Variants in H6PD observed in about 807,000 individuals in gnomAD.
H6PD encodes GDH/6PGL endoplasmic bifunctional protein.
A neutral mutation model predicts 61.2 loss-of-function variants in H6PD; 48 were observed. The observed-to-expected ratio is 0.78, with a 90% confidence interval of 0.62 to 1.00. H6PD has a LOEUF of 1.00. Ranked by LOEUF, H6PD falls within the 50% of genes least tolerant of loss-of-function variation. H6PD has a pLI of 0.00. For missense variants in H6PD, 1,093 were observed against 1,065.0 expected (o/e 1.03, Z -0.37); for synonymous variants, 480 against 457.9 (o/e 1.05, Z -0.62).
intron 3 of H6PD, among the ~76,000 whole-genome samples, chr1:9,261,744 G>A (rs1638305715): frequency 2.6e-5 from 4 of 152,242 alleles, no homozygotes; most frequent in African/African-American, 7.2e-5. Context: ...GCGGGGCGAG[G>A]GGCTGGCCAG....
Position 9,267,000 on chromosome 1 carries a change from A to G in H6PD, c.*2131A>G, listed in dbSNP as rs1455566253. On this transcript the variant is annotated 3_prime_UTR_variant, in exon 5 of 5. Coordinates refer to ENST00000377403, the MANE Select transcript of H6PD (RefSeq NM_004285.4). ...CATGCCTGTCTAATTTTTGTATTTT[A>G]GTAGAGACAGGGTTTCACCATGTTG... 6.6e-6 allele frequency: 1 copy of G among 152,206 alleles called. No individual in the cohort carries two copies. The highest frequency in any genetic ancestry group is 2.4e-5 in the African/African-American group (1 of 41,418). The allele number at this position is 152,206 out of a possible 1,614,324, so 9.4% of individuals were successfully genotyped here. A position where few individuals can be genotyped will look rare whatever the true frequency, so the allele number is the denominator to read the frequency against.
At position 9,254,807 on chromosome 1, in the gene H6PD, T is replaced by G. The variant is rs912230402; in HGVS notation, c.746-7252T>G. On this transcript the variant is annotated intron_variant, in intron 3 of 4. Transcript: ENST00000377403. This position sits in a 1 kb window ranked among gnomAD's most constrained non-coding sequence, Gnocchi z 4.6. ...TTGTGTGTCAGTACCACAATCAATT[T>G]TAGGACATGTTCATCACGGCAAAGG... 1.3e-5 allele frequency among the ~76,000 whole-genome samples: 2 copies of G among 152,184 alleles called. No individual in the cohort carries two copies. The highest frequency in any genetic ancestry group is 4.8e-5 in the African/African-American group (2 of 41,446).
intron 1 of H6PD, among the ~76,000 whole-genome samples, chr1:9,237,878 G>A (rs576181889): frequency 1.3e-5 from 2 of 152,172 alleles, no homozygotes; most frequent in Admixed American, 6.6e-5. Context: ...AGCGCCTTCT[G>A]TATGCCAGGC....
rs753539338 is a variant in H6PD at position 9,247,007 on chromosome 1, G to A, written c.669G>A (p.Lys223=). The A allele has an allele frequency of 1.2e-6, 2 of 1,614,104 alleles. No homozygotes were observed. The highest frequency in any genetic ancestry group is 1.7e-6 in the Non-Finnish European group (2 of 1,179,976). The change falls in exon 3 of 5, where the codon AAG becomes AAA. Residue 223 remains lysine (K), a synonymous_variant. Coordinates refer to ENST00000377403, the MANE Select transcript of H6PD (RefSeq NM_004285.4). ...TGCCTTTCCGAGACCAGAACCGCAAGGCTTTGGACGGCCTCTGGAACCGGC... is the reference window on the plus strand; with the variant it reads ...TGCCTTTCCGAGACCAGAACCGCAAAGCTTTGGACGGCCTCTGGAACCGGC... The part of the protein sequence containing the change: ...QILPFRDQNR[K]ALDGLWNRHH...
Position 9,263,841 on chromosome 1 carries a change from A to G in H6PD, c.1348A>G (p.Ser450Gly). 1 of 1,613,942 alleles carries G rather than the reference A, an allele frequency of 6.2e-7. No individual in the cohort carries two copies. Among genetic ancestry groups the G allele is most frequent in the Non-Finnish European group, 8.5e-7 (1 of 1,179,990 alleles). The change falls in exon 5 of 5, where the codon AGC becomes GGC. Residue 450 changes from serine to glycine, a missense_variant. Physicochemically the swap from Ser to Gly is moderately conservative, Grantham distance 56. Coordinates refer to ENST00000377403, the MANE Select transcript of H6PD (RefSeq NM_004285.4). ...CCCTCTGTCCGATTACTACGCCTAC[A>G]GCCCTGTGCGGGAGCGGGACGCCCA... Reference protein sequence around the residue: ...GSPLSDYYAYSPVRERDAHSV... With the variant: ...GSPLSDYYAYGPVRERDAHSV...
rs781050073 is a variant in H6PD at position 9,254,067 on chromosome 1, C to T, written c.745+6984C>T. 2.4e-4 allele frequency among the ~76,000 whole-genome samples: 37 copies of T among 152,086 alleles called. No individual in the cohort carries two copies. The highest frequency in any genetic ancestry group is 4.6e-4 in the Non-Finnish European group (31 of 68,004). ...AAGATGGCAGAGCCGGTATTTAAAC[C>T]GGGGCAGGCTGGGCACGGGGGCTTA... is the stretch of plus-strand genomic sequence containing the variant. On this transcript the variant is annotated intron_variant, in intron 3 of 4. Transcript: ENST00000377403. The surrounding 1 kb of genome is among the most constrained non-coding windows in gnomAD (Gnocchi z 4.6).
intron 3 of H6PD, among the ~76,000 whole-genome samples, chr1:9,256,782 A>G (rs1161420189): frequency 6.6e-6 from 1 of 152,196 alleles, no homozygotes; most frequent in Non-Finnish European, 1.5e-5. Context: ...TTTAAAAAAG[A>G]ATTTGATTCT....
intron 1 of H6PD, among the ~76,000 whole-genome samples, chr1:9,244,273 C>G (rs866523669): frequency 1.3e-5 from 2 of 152,102 alleles, no homozygotes; most frequent in African/African-American, 4.8e-5. Flanking sequence ...CTGTAGGTAC[C>G]GCTATTACCC....
intron 3 of H6PD, among the ~76,000 whole-genome samples, chr1:9,258,884 GTGT>G (rs981748618): frequency 7.2e-5 from 11 of 151,918 alleles, no homozygotes; most frequent in South Asian, 4.1e-4. Context: ...TGTTACGCTG[GTGT>G]TGTTATGTTG....
chr1:9,238,248 CTAGA>C (rs1336879742), intron 1 of H6PD, among the ~76,000 whole-genome samples: 1 of 152,174 alleles, frequency 6.6e-6, no homozygotes, highest in African/African-American at 2.4e-5. Context: ...CGGCCAGAGC[CTAGA>C]CAGGCAGGAT....
chr1:9,255,304 C>T (rs1447437849), intron 3 of H6PD, among the ~76,000 whole-genome samples: 1 of 151,810 alleles, frequency 6.6e-6, no homozygotes, highest in South Asian at 2.1e-4. Context: ...TTTTTGGAGA[C>T]AGGGTCTTTA....
intron 1 of H6PD, among the ~76,000 whole-genome samples, chr1:9,242,412 T>C (rs1553183515): frequency 6.6e-6 from 1 of 152,234 alleles, no homozygotes; most frequent in African/African-American, 2.4e-5. Context: ...TTAGTTGTTT[T>C]GCAACCACAG....
At chr1:9,244,892 C>G in intron 1 of H6PD, 33 bp from the exon 2 acceptor site, 1 of 1,608,122 alleles carries the variant, frequency 6.2e-7, no homozygotes, top group Non-Finnish European at 8.5e-7. Flanking sequence ...CTGATCCTTC[C>G]TTGTTCCTCG....
chr1:9,269,122 T>G lies in H6PD; in HGVS notation c.*4253T>G, dbSNP rs1570140275. 6.6e-6 allele frequency: 1 copy of G among 150,996 alleles called. No individual in the cohort carries two copies. Among genetic ancestry groups the G allele is most frequent in the Non-Finnish European group, 1.5e-5 (1 of 67,898 alleles). 9.4% of individuals were successfully genotyped at this position (150,996 alleles called of 1,614,324 possible). ...CAGGAAAGGCCCGTGGTGACGAGGG[T>G]GAGGTGGCCACAGTGACCGGACGAC... On this transcript the variant is annotated 3_prime_UTR_variant, in exon 5 of 5. Coordinates refer to ENST00000377403, the MANE Select transcript of H6PD (RefSeq NM_004285.4). This position sits in a 1 kb window ranked among gnomAD's most constrained non-coding sequence, Gnocchi z 4.3.
rs144456985 is a variant in H6PD, at chr1:9,245,356, A to C, written c.422A>C (p.Tyr141Ser). The C allele has an allele frequency of 1.2e-6, 2 of 1,614,108 alleles. No individual in the cohort carries two copies. Among genetic ancestry groups the C allele is most frequent in the South Asian group, 1.1e-5 (1 of 91,074 alleles). Residue 141 changes from tyrosine to serine, a missense_variant, in exon 2 of 5, where the codon TAC becomes TCC. Coordinates refer to ENST00000377403, the MANE Select transcript of H6PD (RefSeq NM_004285.4). This position sits in a 1 kb window ranked among gnomAD's most constrained non-coding sequence, Gnocchi z 4.8. ...AGLREAGRIF[Y>S]FSVPPFAYED... The stretch of plus-strand genomic sequence containing the variant: ...CTCCGGGAGGCTGGCAGGATCTTCT[A>C]CTTCTCAGTGCCACCCTTCGCCTAT...
Position 9,264,462 on chromosome 1 carries a change from C to T in H6PD, c.1969C>T (p.His657Tyr). Residue 657 changes from histidine (H) to tyrosine (Y), a missense_variant, in exon 5 of 5, where the codon CAC becomes TAC. Physicochemically the swap from His to Tyr is moderately conservative, Grantham distance 83. Transcript: ENST00000377403. ...CTACAACATCCACCCCATGCCTGTGCACCTGCAGCAGCGGCTCTGCGCCGA... is the reference window on the plus strand; with the variant it reads ...CTACAACATCCACCCCATGCCTGTGTACCTGCAGCAGCGGCTCTGCGCCGA... The part of the protein sequence containing the change: ...PYYNIHPMPV[H>Y]LQQRLCAEED... 6.2e-7 allele frequency: 1 copy of T among 1,613,292 alleles called. No homozygotes were observed. Among genetic ancestry groups the T allele is most frequent in the African/African-American group, 1.3e-5 (1 of 75,062 alleles).
intron 3 of H6PD, 58 bp downstream of exon 3, chr1:9,247,141 G>C (rs1641206085): frequency 8.6e-7 from 1 of 1,160,526 alleles, no homozygotes; most frequent in Admixed American, 1.7e-5. Context: ...GCTGTCTGCG[G>C]TGAGGCATGG....
In H6PD at chr1:9,264,706, G is replaced by A. The variant is rs148329098; in HGVS notation, c.2213G>A (p.Arg738His). ...AGCCTTAGCCTGCCTCTCATCAACC[G>A]CGCCAAGAAGGTGGCAGTCCTGGTC... The part of the protein sequence containing the change: ...RMSLSLPLIN[R>H]AKKVAVLVMG... The change falls in exon 5 of 5, where the codon CGC becomes CAC. Residue 738 changes from arginine (R) to histidine (H), a missense_variant. Transcript: ENST00000377403. 109 of 1,613,390 alleles carry A rather than the reference G, an allele frequency of 6.8e-5. No homozygotes were observed. Among genetic ancestry groups the A allele is most frequent in the Admixed American group, 4.3e-4 (26 of 60,022 alleles).
At chr1:9,243,096 C>T (rs1641047604) in intron 1 of H6PD, 1 of 400,680 alleles carries the variant, frequency 2.5e-6, no homozygotes, top group Non-Finnish European at 3.4e-6. Flanking sequence ...GTCCTGTAGA[C>T]ACTGGCTCAG....
Sources: allele counts gnomAD v4.1 joint callset (sites outside exome capture counted in the v4.1 genomes callset), GRCh38; gene constraint gnomAD v4.1.1; non-coding constraint Gnocchi (gnomAD v3.1); transcripts MANE v1.5; gene names NCBI Gene and HGNC (gene_info 2026-07-23, HGNC 2026-07-21).